The following SUSD3 variants were observed in gnomAD, a reference collection of about 807,000 sequenced individuals.
SUSD3 encodes the protein sushi domain-containing protein 3.
Under a neutral mutation model 20.6 loss-of-function variants are expected in SUSD3, and 18 were observed. The observed-to-expected ratio is 0.87, with a 90% CI of 0.60 to 1.30. The LOEUF (loss-of-function observed/expected upper bound fraction) is 1.30. Among genes scored for constraint, SUSD3 ranks in the 50% most tolerant of loss-of-function variants. The probability of loss-of-function intolerance (pLI) is 0.00; values close to 1 mark genes in which losing one functional copy is unlikely to be tolerated. For missense variants in SUSD3, 306 were observed against 346.9 expected (o/e 0.88, Z 0.94); for synonymous variants, 137 against 141.5 (o/e 0.97, Z 0.23).
intron 1 of SUSD3, among the ~76,000 whole-genome samples, chr9:93,075,202 G>GT (rs918819419): frequency 6.6e-6 from 1 of 151,810 alleles, no homozygotes; most frequent in African/African-American, 2.4e-5. Context: ...GAACTTGTTG[G>GT]TTTTTTTTAA....
chr9:93,075,679 C>T, intron 1 of SUSD3, 105 bp from the exon 2 acceptor site: 1 of 799,598 alleles, frequency 1.3e-6, no homozygotes, highest in Admixed American at 2.3e-5. Context: ...CACCCCTGTG[C>T]TCCCCAATGC....
rs907699319 is a variant in SUSD3 at position 93,068,540 on chromosome 9, A to G, written c.89-7244A>G. 2.0e-5 allele frequency among the ~76,000 whole-genome samples: 3 copies of G among 152,320 alleles called. No individual in the cohort carries two copies. The East Asian group carries it at 5.8e-4, about 29-fold the overall frequency. ...TCTGTTGGCCTTTATGTCTGTCCTC[A>G]TGATAGTACCACACTGTTTTGATTA... On this transcript the variant is annotated intron_variant, in intron 1 of 4. Transcript: ENST00000375472.
At chr9:93,061,629 C>G (rs1163384521) in intron 1 of SUSD3, among the ~76,000 whole-genome samples, 1 of 152,246 alleles carries the variant, frequency 6.6e-6, no homozygotes. Context: ...AGTGACTTAC[C>G]TGAAGACACA....
At chr9:93,079,938 G>A (rs781620541) in intron 4 of SUSD3, among the ~76,000 whole-genome samples, 3 of 152,066 alleles carry the variant, frequency 2.0e-5, no homozygotes, top group Non-Finnish European at 4.4e-5. Context: ...TCTCCCTCCC[G>A]TGCTCTGTCC....
At chr9:93,069,025 A>G (rs1224733981) in intron 1 of SUSD3, 1 of 674,372 alleles carries the variant, frequency 1.5e-6, no homozygotes. Flanking sequence ...CTCTCTAAAT[A>G]TCTTAATAGA....
At chr9:93,078,797 A>C (rs1204098869) in intron 3 of SUSD3, among the ~76,000 whole-genome samples, 1 of 151,198 alleles carries the variant, frequency 6.6e-6, no homozygotes, top group Non-Finnish European at 1.5e-5. Context: ...TCAATACATA[A>C]AACTTAACCT....
At chr9:93,077,484 A>T (rs1587916527) in intron 2 of SUSD3, among the ~76,000 whole-genome samples, 2 of 151,068 alleles carry the variant, frequency 1.3e-5, no homozygotes, top group African/African-American at 4.9e-5. Context: ...ACCCTACAAA[A>T]CCCTGCTCAA....
rs2118984336 is a variant in SUSD3 at position 93,077,836 on chromosome 9, TC to T, written c.278-7del. The T allele has an allele frequency of 6.2e-7, 1 of 1,614,114 alleles. No individual in the cohort carries two copies. Among genetic ancestry groups the T allele is most frequent in the Non-Finnish European group, 8.5e-7 (1 of 1,179,968 alleles). On this transcript the variant is annotated splice_polypyrimidine_tract_variant and intron_variant, in intron 2 of 4. Coordinates refer to ENST00000375472, the MANE Select transcript of SUSD3 (RefSeq NM_145006.4). ...CCTCGCCCAGGAGCTGGTGGTTGTC[TC>T]CCACACAGTGGTGCCACCACACGAG... is the stretch of plus-strand genomic sequence containing the variant.
intron 4 of SUSD3, among the ~76,000 whole-genome samples, chr9:93,083,753 A>G (rs1483784111): frequency 6.6e-6 from 1 of 152,094 alleles, no homozygotes; most frequent in East Asian, 1.9e-4. Flanking sequence ...TAAGCAGATC[A>G]TTTCTTAATT....
chr9:93,066,871 C>T (rs1256672537), intron 1 of SUSD3, among the ~76,000 whole-genome samples: 1 of 152,100 alleles, frequency 6.6e-6, no homozygotes, highest in Non-Finnish European at 1.5e-5. Context: ...CCACACCCAG[C>T]TAATTTTTGT....
intron 1 of SUSD3, among the ~76,000 whole-genome samples, chr9:93,066,076 G>T (rs1318949966): frequency 6.6e-6 from 1 of 152,132 alleles, no homozygotes; most frequent in Non-Finnish European, 1.5e-5. Flanking sequence ...TGCCCACCAT[G>T]CCCTCCATCC....
chr9:93,074,022 G>T (rs1218363985), intron 1 of SUSD3, among the ~76,000 whole-genome samples: 4 of 152,172 alleles, frequency 2.6e-5, no homozygotes, highest in Non-Finnish European at 5.9e-5. Context: ...GCCGATAGAT[G>T]ATGGCACATG....
In SUSD3 at chr9:93,084,843, C is replaced by A; in HGVS notation, c.*96C>A. 8.7e-7 allele frequency: 1 copy of A among 1,148,950 alleles called. No homozygotes were observed. The highest frequency in any genetic ancestry group is 1.2e-6 in the Non-Finnish European group (1 of 846,260). 71.2% of individuals were successfully genotyped at this position (1,148,950 alleles called of 1,614,324 possible). A position where few individuals can be genotyped will look rare whatever the true frequency, so the allele number is the denominator to read the frequency against. ...AACTCCACATCAACTCCACATGCGC[C>A]CAGCTCGAGACTGATGAGTGGAATC... On this transcript the variant is annotated 3_prime_UTR_variant, in exon 5 of 5. Coordinates refer to ENST00000375472, the MANE Select transcript of SUSD3 (RefSeq NM_145006.4).
chr9:93,077,132 G>T (rs1044194767), intron 2 of SUSD3, among the ~76,000 whole-genome samples: 1 of 152,168 alleles, frequency 6.6e-6, no homozygotes, highest in African/African-American at 2.4e-5. Context: ...TTAGGATTCC[G>T]AGGCCTTTTT....
intron 1 of SUSD3, among the ~76,000 whole-genome samples, chr9:93,066,610 A>G (rs1323438310): frequency 6.6e-6 from 1 of 152,252 alleles, no homozygotes; most frequent in Non-Finnish European, 1.5e-5. Context: ...TTACTGGGCC[A>G]TAATTCACAT....
chr9:93,065,248 G>A lies in SUSD3; in HGVS notation c.88+6418G>A, dbSNP rs1327128815. Reference sequence around the variant, plus strand: ...ACGCACCAGCTTGATTCCACCCTTCGCATTTCGCTGTGCCTGCTTTCTCAC... The same window carrying A: ...ACGCACCAGCTTGATTCCACCCTTCACATTTCGCTGTGCCTGCTTTCTCAC... On this transcript the variant is annotated intron_variant, in intron 1 of 4. Transcript: ENST00000375472. Among the ~76,000 whole-genome samples the A allele has an allele frequency of 7.2e-5, 11 of 152,274 alleles. No individual in the cohort carries two copies. The South Asian group carries it at 1.0e-3, about 14-fold the overall frequency.
chr9:93,080,373 G>A (rs1826367247), intron 4 of SUSD3, among the ~76,000 whole-genome samples: 1 of 149,966 alleles, frequency 6.7e-6, no homozygotes, highest in Non-Finnish European at 1.5e-5. Flanking sequence ...TTGATTGCAC[G>A]TGGCCTGTTG....
chr9:93,067,498 C>T (rs776570796), intron 1 of SUSD3, among the ~76,000 whole-genome samples: 9 of 152,122 alleles, frequency 5.9e-5, no homozygotes, highest in South Asian at 2.1e-4. Flanking sequence ...GAAAAACCAC[C>T]GGACAGTTTT....
Position 93,084,617 on chromosome 9 carries a change from G to C in SUSD3, c.638G>C (p.Ser213Thr), listed in dbSNP as rs200980921. The change falls in exon 5 of 5, where the codon AGC (serine) becomes ACC (threonine). Residue 213 changes from serine to threonine, a missense_variant. By Grantham distance (58) the Ser-to-Thr change is moderately conservative. Transcript: ENST00000375472. ...DKDPGIPRAL[S>T]LSGSSSSPQA... Reference sequence around the variant, plus strand: ...GACCCTGGGATCCCCAGAGCTCTAAGCCTCAGTGGCTCCTCCAGCTCACCC... The same window carrying C: ...GACCCTGGGATCCCCAGAGCTCTAACCCTCAGTGGCTCCTCCAGCTCACCC... The C allele has an allele frequency of 3.5e-5, 56 of 1,610,416 alleles. No individual in the cohort carries two copies. In the Admixed American group the frequency reaches 8.8e-4, roughly 25 times the overall value.
Sources: gnomAD v4.1 joint callset for allele counts (sites outside exome capture counted in the v4.1 genomes callset) on GRCh38, gnomAD v4.1.1 for gene constraint, MANE v1.5 for transcripts, NCBI Gene and HGNC (gene_info 2026-07-23, HGNC 2026-07-21) for gene names.